Variants in NF2 observed in about 807,000 individuals in gnomAD.
The protein encoded by NF2 is merlin.
In NF2, 8 loss-of-function variants were observed where a neutral mutation model predicts 83.7. That is an observed-to-expected ratio of 0.10 (90% CI 0.06 to 0.17). NF2 has a LOEUF of 0.17. Ranked by LOEUF, NF2 falls within the 10% of genes least tolerant of loss-of-function variation. The pLI is 1.00. For missense variants in NF2, 533 were observed against 744.4 expected (o/e 0.72, Z 3.31); for synonymous variants, 266 against 269.6 (o/e 0.99, Z 0.13).
intron 1 of NF2, among the ~76,000 whole-genome samples, chr22:29,629,420 A>T (rs1345091250): frequency 6.6e-6 from 1 of 152,236 alleles, no homozygotes; most frequent in Admixed American, 6.5e-5. Flanking sequence ...AAAACAGACA[A>T]AAGTTGTATT....
At chr22:29,691,770 C>A (rs1314209636) in intron 15 of NF2, among the ~76,000 whole-genome samples, 1 of 152,222 alleles carries the variant, frequency 6.6e-6, no homozygotes, top group African/African-American at 2.4e-5. Flanking sequence ...TTTGCATGCT[C>A]CGCGGGGTGG....
At chr22:29,637,688 C>T (rs989856262) in intron 2 of NF2, among the ~76,000 whole-genome samples, 1 of 125,262 alleles carries the variant, frequency 8.0e-6, no homozygotes, top group African/African-American at 2.8e-5. Context: ...TGAAAGCTTC[C>T]TATTTTTTTT....
At chr22:29,615,042 G>T (rs927295901) in intron 1 of NF2, among the ~76,000 whole-genome samples, 2 of 152,112 alleles carry the variant, frequency 1.3e-5, no homozygotes, top group Admixed American at 6.6e-5. Flanking sequence ...AAATTAGCCA[G>T]CCGTGGTGGC....
intron 4 of NF2, among the ~76,000 whole-genome samples, chr22:29,645,623 C>T (rs1287472266): frequency 2.0e-5 from 3 of 152,180 alleles, no homozygotes; most frequent in Non-Finnish European, 4.4e-5. Flanking sequence ...AGTTCCTTTT[C>T]GCACGCTTTC....
intron 4 of NF2, among the ~76,000 whole-genome samples, chr22:29,644,606 G>A (rs1196582852): frequency 2.0e-5 from 3 of 151,890 alleles, no homozygotes; most frequent in Non-Finnish European, 4.4e-5. Context: ...CCGAGATCAC[G>A]CCACTGCACT....
chr22:29,655,352 C>G (rs2066269421), intron 5 of NF2, among the ~76,000 whole-genome samples: 1 of 152,184 alleles, frequency 6.6e-6, no homozygotes, highest in African/African-American at 2.4e-5. Flanking sequence ...CAGGCAGGGA[C>G]AGGGGCACTG....
intron 1 of NF2, among the ~76,000 whole-genome samples, chr22:29,632,034 C>T (rs2065526364): frequency 6.6e-6 from 1 of 152,118 alleles, no homozygotes; most frequent in African/African-American, 2.4e-5. Flanking sequence ...TTAGTGTGTT[C>T]CCTACTTGGG....
intron 1 of NF2, among the ~76,000 whole-genome samples, chr22:29,622,952 C>A (rs1452339116): frequency 7.2e-6 from 1 of 139,296 alleles, no homozygotes; most frequent in Non-Finnish European, 1.5e-5. Flanking sequence ...CCGTGCCCGG[C>A]CTTTTTTTTT....
chr22:29,683,138 C>T (rs2147130423), intron 15 of NF2: 1 of 1,614,014 alleles, frequency 6.2e-7, no homozygotes, highest in Non-Finnish European at 8.5e-7. Flanking sequence ...CATGAGCTTG[C>T]CTGTCTCTGT....
intron 8 of NF2, among the ~76,000 whole-genome samples, chr22:29,662,314 G>A (rs1421149297): frequency 1.3e-5 from 2 of 152,032 alleles, no homozygotes; most frequent in African/African-American, 2.4e-5. Context: ...TTGTAGAGAT[G>A]GGGTTTTGCC....
intron 4 of NF2, among the ~76,000 whole-genome samples, chr22:29,645,801 T>C (rs1028611361): frequency 1.3e-5 from 2 of 152,190 alleles, no homozygotes; most frequent in African/African-American, 4.8e-5. Context: ...CTTAAACAGG[T>C]TTCACTGTAG....
intron 9 of NF2, among the ~76,000 whole-genome samples, chr22:29,667,271 T>C (rs2066651370): frequency 2.0e-5 from 3 of 152,062 alleles, no homozygotes; most frequent in Admixed American, 1.3e-4. Flanking sequence ...AGGGTCTCAC[T>C]CTGTTGCCCA....
intron 11 of NF2, among the ~76,000 whole-genome samples, chr22:29,672,423 C>T (rs578027033): frequency 6.6e-6 from 1 of 150,904 alleles, no homozygotes; most frequent in Non-Finnish European, 1.5e-5. Flanking sequence ...AAGCAATTCT[C>T]CTGCCTCAGC....
At chr22:29,686,119 A>G (rs759525020) in intron 15 of NF2, among the ~76,000 whole-genome samples, 8 of 152,218 alleles carry the variant, frequency 5.3e-5, no homozygotes, top group Non-Finnish European at 1.0e-4. Flanking sequence ...CTTTGCCCCC[A>G]GGAGTGTTGT....
At chr22:29,609,022 C>A in intron 1 of NF2, 1 of 696,740 alleles carries the variant, frequency 1.4e-6, no homozygotes, top group Non-Finnish European at 2.7e-6. Flanking sequence ...AATGGATGAA[C>A]ATGCATGTGA....
Position 29,661,207 on chromosome 22 carries a change from T to C in NF2, c.678T>C (p.Asn226=). The part of the protein sequence containing the change: ...MYGVNYFAIR[N]KKGTELLLGV... ...AGCTGTTCTTATTGGATCCACAGAA[T>C]AAAAAGGGCACAGAGCTGCTGCTTG... is the stretch of plus-strand genomic sequence containing the variant. The change falls in exon 8 of 16, where the codon AAT becomes AAC. Residue 226 remains asparagine, a splice_region_variant and synonymous_variant. Transcript: ENST00000338641. 1 of 1,614,172 alleles carries C rather than the reference T, an allele frequency of 6.2e-7. No homozygotes were observed. Among genetic ancestry groups the C allele is most frequent in the Non-Finnish European group, 8.5e-7 (1 of 1,180,034 alleles).
chr22:29,659,485 A>G (rs1569296594), intron 7 of NF2, among the ~76,000 whole-genome samples: 1 of 152,322 alleles, frequency 6.6e-6, no homozygotes, highest in South Asian at 2.1e-4. Context: ...TTATTAGGGA[A>G]TATTTCTACA....
chr22:29,633,757 T>C (rs2065576531), intron 1 of NF2, among the ~76,000 whole-genome samples: 1 of 152,212 alleles, frequency 6.6e-6, no homozygotes, highest in African/African-American at 2.4e-5. Flanking sequence ...AAAAGACTTA[T>C]TTCCTTCTCT....
At chr22:29,664,429 TTA>T (rs566353475) in intron 8 of NF2, among the ~76,000 whole-genome samples, 164 of 151,712 alleles carry the variant, frequency 1.1e-3, no homozygotes, top group African/African-American at 3.5e-3. Flanking sequence ...TGTCTCTACC[TTA>T]TTTCTGGTTT....
Sources: allele counts gnomAD v4.1 joint callset (sites outside exome capture counted in the v4.1 genomes callset), GRCh38; gene constraint gnomAD v4.1.1; transcripts MANE v1.5; gene names NCBI Gene and HGNC (gene_info 2026-07-23, HGNC 2026-07-21).